Variants in NTRK3 observed in about 807,000 individuals in gnomAD.
NTRK3 encodes the protein NT-3 growth factor receptor.
Under a neutral mutation model 91.7 loss-of-function variants are expected in NTRK3, and 24 were observed. That is an observed-to-expected ratio of 0.26 (90% confidence interval 0.19 to 0.37). The LOEUF is 0.37. NTRK3 is among the 10% of genes least tolerant of loss of function. The pLI, the probability that NTRK3 is intolerant of heterozygous loss-of-function variation, is 1.00. For synonymous variants in NTRK3, 483 were observed against 404.0 expected, an observed-to-expected ratio of 1.20 and a Z score of -2.34; for missense variants, 880 against 1,068.9, an observed-to-expected ratio of 0.82 and a Z score of 2.46.
chr15:88,191,977 C>T (rs151235775), intron 3 of NTRK3, among the ~76,000 whole-genome samples: 5 of 152,184 alleles, frequency 3.3e-5, no homozygotes, highest in Admixed American at 6.5e-5. Context: ...CATGCCAGCA[C>T]GTTAGCACAC....
At chr15:88,033,842 T>C (rs2078825445) in intron 13 of NTRK3, among the ~76,000 whole-genome samples, 1 of 152,216 alleles carries the variant, frequency 6.6e-6, no homozygotes, top group South Asian at 2.1e-4. Flanking sequence ...TATTTTCTTA[T>C]GTAGCAACAA....
chr15:87,909,632 G>GC (rs886482142), intron 17 of NTRK3, among the ~76,000 whole-genome samples: 38 of 152,130 alleles, frequency 2.5e-4, no homozygotes, highest in African/African-American at 8.2e-4. Context: ...TGAACTGTGT[G>GC]CCCCCCAACA....
chr15:87,966,519 T>C (rs1226196985), intron 14 of NTRK3, among the ~76,000 whole-genome samples: 1 of 152,166 alleles, frequency 6.6e-6, no homozygotes, highest in Non-Finnish European at 1.5e-5. Flanking sequence ...ACACTGAGCC[T>C]GCAACTCCAT....
At chr15:87,890,262 C>G (rs1444238359) in intron 17 of NTRK3, among the ~76,000 whole-genome samples, 3 of 152,108 alleles carry the variant, frequency 2.0e-5, no homozygotes, top group Non-Finnish European at 4.4e-5. Flanking sequence ...TTCCCTTTCA[C>G]CTAGCAATTT....
intron 3 of NTRK3, among the ~76,000 whole-genome samples, chr15:88,242,218 A>C (rs2052427240): frequency 6.6e-6 from 1 of 152,186 alleles, no homozygotes; most frequent in Non-Finnish European, 1.5e-5. Flanking sequence ...TCACACAGGC[A>C]GAGTGACAGG....
At chr15:87,887,478 C>G (rs904741379) in intron 17 of NTRK3, among the ~76,000 whole-genome samples, 3 of 152,112 alleles carry the variant, frequency 2.0e-5, no homozygotes, top group African/African-American at 7.2e-5. Flanking sequence ...ATGTAAAAAC[C>G]CATTGAGCAT....
exon 19 of NTRK3, chr15:87,867,880 GT>G (rs1567049255): frequency 4.4e-6 from 1 of 227,538 alleles, no homozygotes; most frequent in African/African-American, 2.2e-5. Flanking sequence ...TCTGAATCAA[GT>G]TTTTGTTTCT....
At position 88,135,218 on chromosome 15, in the gene NTRK3, G is replaced by C. The variant is rs1244307299; in HGVS notation, c.1087C>G (p.Leu363Val). Reference sequence around the variant, plus strand: ...TAGTGGGTGGGCTTGTTGAAGAGCAGGCAGCCCTCGGAAATCTCTCCCTCT... The same window carrying C: ...TAGTGGGTGGGCTTGTTGAAGAGCACGCAGCCCTCGGAAATCTCTCCCTCT... Residue 363 changes from leucine (L) to valine (V), a missense_variant, in exon 10 of 19, where the codon CTG (leucine) becomes GTG (valine). By Grantham distance (32) the Leu-to-Val change is conservative. Transcript: ENST00000394480. The C allele has an allele frequency of 6.2e-7, 1 of 1,614,100 alleles. No individual in the cohort carries two copies. The highest frequency in any genetic ancestry group is 8.5e-7 in the Non-Finnish European group (1 of 1,180,052).
intron 17 of NTRK3, among the ~76,000 whole-genome samples, chr15:87,902,317 C>T (rs751830229): frequency 5.9e-5 from 9 of 152,238 alleles, no homozygotes; most frequent in Non-Finnish European, 1.0e-4. Flanking sequence ...CAGCTAGGCT[C>T]CTGATGGCAA....
chr15:88,090,157 C>T (rs997878048), intron 13 of NTRK3, among the ~76,000 whole-genome samples: 5 of 152,218 alleles, frequency 3.3e-5, no homozygotes, highest in African/African-American at 1.2e-4. Flanking sequence ...GCCCTCTCCA[C>T]CAGCCTGTGC....
At chr15:88,060,968 CT>C (rs952486847) in intron 13 of NTRK3, among the ~76,000 whole-genome samples, 8 of 150,294 alleles carry the variant, frequency 5.3e-5, no homozygotes, top group African/African-American at 9.8e-5. Flanking sequence ...TCCTCTTTCC[CT>C]TTTTTTTTCA....
intron 3 of NTRK3, among the ~76,000 whole-genome samples, chr15:88,245,857 G>A (rs989679199): frequency 6.6e-6 from 1 of 152,186 alleles, no homozygotes; most frequent in East Asian, 1.9e-4. Context: ...TCATTTAGTC[G>A]TTGCCATAAA....
intron 5 of NTRK3, among the ~76,000 whole-genome samples, chr15:88,181,923 A>C (rs753179387): frequency 7.9e-5 from 12 of 152,316 alleles, no homozygotes; most frequent in Middle Eastern, 6.8e-3. Context: ...CTCAGATGTC[A>C]AAAGCTTTTT....
At chr15:88,171,299 G>T (rs1256645804) in intron 5 of NTRK3, among the ~76,000 whole-genome samples, 1 of 152,080 alleles carries the variant, frequency 6.6e-6, no homozygotes, top group Non-Finnish European at 1.5e-5. Context: ...CACTGACAAA[G>T]CTCCCTCTTG....
At chr15:88,184,184 C>A (rs199897710) in intron 4 of NTRK3, 41 bp downstream of exon 4, 252 of 1,603,398 alleles carry the variant, frequency 1.6e-4, no homozygotes, top group Non-Finnish European at 2.0e-4. Flanking sequence ...GCATCCACCC[C>A]TTCCACAGGG....
rs34299110 is a variant in NTRK3, at chr15:88,147,505, C to CCTTCTT, written c.396-108_396-103dup. On this transcript the variant is annotated intron_variant, in intron 5 of 18. Coordinates refer to ENST00000394480, the Ensembl canonical transcript of NTRK3. ...TTTCACTGGAGCCTGGCTTTGTTTTCCTTCTTCTTCTTCTTCTTCTTCTTC... is the reference window on the plus strand; with the variant it reads ...TTTCACTGGAGCCTGGCTTTGTTTTCCTTCTTCTTCTTCTTCTTCTTCTTCTTCTTC... 6,595 of 659,908 alleles carry CCTTCTT rather than the reference C, an allele frequency of 1.0e-2. 15 individuals carry two copies. Among genetic ancestry groups the CCTTCTT allele is most frequent in the Middle Eastern group, 0.02 (77 of 3,786 alleles). The allele number at this position is 659,908 out of a possible 1,614,324, so 40.9% of individuals were successfully genotyped here.
chr15:88,244,920 C>T (rs573138910), intron 3 of NTRK3, among the ~76,000 whole-genome samples: 2 of 152,336 alleles, frequency 1.3e-5, no homozygotes, highest in African/African-American at 4.8e-5. Context: ...CTAGATGCTA[C>T]TAAATTACCC....
At chr15:88,143,282 T>C (rs1222553162) in intron 6 of NTRK3, among the ~76,000 whole-genome samples, 2 of 152,156 alleles carry the variant, frequency 1.3e-5, no homozygotes, top group Non-Finnish European at 2.9e-5. Flanking sequence ...GAGACAGGGA[T>C]GGCAGGCACG....
chr15:87,861,746 G>T (rs953120523), exon 19 of NTRK3: 1 of 194,406 alleles, frequency 5.1e-6, no homozygotes, highest in Non-Finnish European at 1.1e-5. Flanking sequence ...AGGGCTAGAC[G>T]CGCCCTTGAA....
Sources: gnomAD v4.1 joint callset for allele counts (sites outside exome capture counted in the v4.1 genomes callset) on GRCh38, gnomAD v4.1.1 for gene constraint, MANE v1.5 for transcripts, NCBI Gene and HGNC (gene_info 2026-07-23, HGNC 2026-07-21) for gene names.